The following DERA variants were observed in gnomAD, a reference collection of about 807,000 sequenced individuals.
DERA encodes the protein deoxyribose-phosphate aldolase.
In DERA, 15 loss-of-function variants were observed where a neutral mutation model predicts 41.1. That is an observed-to-expected ratio of 0.37 (90% CI 0.24 to 0.56). DERA has a LOEUF of 0.56. Ranked by LOEUF, DERA falls within the 20% of genes least tolerant of loss-of-function variation. The pLI, the probability that DERA is intolerant of heterozygous loss-of-function variation, is 0.81. For synonymous variants in DERA, 139 were observed against 137.4 expected (o/e 1.01, Z -0.08); for missense variants, 396 against 403.4 (o/e 0.98, Z 0.16).
chr12:16,005,223 C>T (rs957404570), intron 6 of DERA, among the ~76,000 whole-genome samples: 4 of 151,980 alleles, frequency 2.6e-5, no homozygotes, highest in Admixed American at 6.6e-5. Flanking sequence ...GTGGGAGGAT[C>T]GCTTGAGGCC....
chr12:15,966,106 G>A lies in DERA; in HGVS notation c.508+3159G>A, dbSNP rs1028053205. Reference sequence around the variant, plus strand: ...GACTAAAATTCTGAAAAGAAGGCCCGATGCGGTGGCTCACACCTGTAATCC... The same window carrying A: ...GACTAAAATTCTGAAAAGAAGGCCCAATGCGGTGGCTCACACCTGTAATCC... On this transcript the variant is annotated intron_variant, in intron 5 of 8. Coordinates refer to ENST00000428559, the MANE Select transcript of DERA (RefSeq NM_015954.4). The surrounding 1 kb of genome is among the most constrained non-coding windows in gnomAD (Gnocchi z 5.1). Among the ~76,000 whole-genome samples the A allele has an allele frequency of 3.3e-5, 5 of 152,220 alleles. No homozygotes were observed. Among genetic ancestry groups the A allele is most frequent in the Non-Finnish European group, 5.9e-5 (4 of 67,998 alleles).
intron 1 of DERA, among the ~76,000 whole-genome samples, chr12:15,926,627 T>C (rs903725357): frequency 1.3e-5 from 2 of 151,288 alleles, no homozygotes; most frequent in African/African-American, 4.9e-5. Flanking sequence ...TCCCAGCTAC[T>C]CGGGAGGCTG....
chr12:15,959,907 A>C lies in DERA; in HGVS notation c.356A>C (p.Asn119Thr). The C allele has an allele frequency of 6.5e-7, 1 of 1,547,806 alleles. No homozygotes were observed. Among genetic ancestry groups the C allele is most frequent in the South Asian group, 1.2e-5 (1 of 83,652 alleles). ...AVKALKAAGC[N>T]IPVASVAAGF... ...AAAGCACTCAAGGCTGCAGGCTGTA[A>C]TATCCCTGTGGCATCAGGTAAAATG... The change falls in exon 4 of 9, where the codon AAT (asparagine) becomes ACT (threonine). Residue 119 changes from asparagine (N) to threonine (T), a missense_variant. Transcript: ENST00000428559. The surrounding 1 kb of genome is among the most constrained non-coding windows in gnomAD (Gnocchi z 4.5).
At position 16,012,473 on chromosome 12, in the gene DERA, A is replaced by C. The variant is rs551290733; in HGVS notation, c.638-20069A>C. On this transcript the variant is annotated intron_variant, in intron 6 of 8. Coordinates refer to ENST00000428559, the MANE Select transcript of DERA (RefSeq NM_015954.4). This position sits in a 1 kb window ranked among gnomAD's most constrained non-coding sequence, Gnocchi z 4.1. ...AGGGCTGTGCTCCCCTGTCCCTTAAAGAGATATTCTGTTTTTTTCTAAGGA... is the reference window on the plus strand; with the variant it reads ...AGGGCTGTGCTCCCCTGTCCCTTAACGAGATATTCTGTTTTTTTCTAAGGA... Among the ~76,000 whole-genome samples, 1 of 152,324 alleles carries C rather than the reference A, an allele frequency of 6.6e-6. No individual in the cohort carries two copies. Among genetic ancestry groups the C allele is most frequent in the Non-Finnish European group, 1.5e-5 (1 of 68,034 alleles).
In DERA at chr12:15,988,059, G is replaced by A. The variant is rs1162196359; in HGVS notation, c.637+5623G>A. Among the ~76,000 whole-genome samples, 3 of 152,302 alleles carry A rather than the reference G, an allele frequency of 2.0e-5. No homozygotes were observed. In the East Asian group the frequency reaches 5.8e-4, roughly 29 times the overall value. ...GCTTCTGCTGTGGGCACCAGCATCT[G>A]GACAAGGGGAACACATGGTGCCCAA... On this transcript the variant is annotated intron_variant, in intron 6 of 8. Coordinates refer to ENST00000428559, the MANE Select transcript of DERA (RefSeq NM_015954.4). This position sits in a 1 kb window ranked among gnomAD's most constrained non-coding sequence, Gnocchi z 6.0.
rs1285825623 is a variant in DERA, at chr12:15,983,070, C to T, written c.637+634C>T. 6.6e-6 allele frequency among the ~76,000 whole-genome samples: 1 copy of T among 152,148 alleles called. No individual in the cohort carries two copies. Among genetic ancestry groups the T allele is most frequent in the African/African-American group, 2.4e-5 (1 of 41,440 alleles). ...CTTTGCTGTGTCTGACACATCTTCC[C>T]TCCATTCTAAGTGCTGCTGTCTTAG... is the stretch of plus-strand genomic sequence containing the variant. On this transcript the variant is annotated intron_variant, in intron 6 of 8. Coordinates refer to ENST00000428559, the MANE Select transcript of DERA (RefSeq NM_015954.4). The surrounding 1 kb of genome is among the most constrained non-coding windows in gnomAD (Gnocchi z 6.2).
chr12:15,963,868 TC>T (rs1948605424), intron 5 of DERA, among the ~76,000 whole-genome samples: 1 of 151,902 alleles, frequency 6.6e-6, no homozygotes, highest in Non-Finnish European at 1.5e-5. Flanking sequence ...TGTGACTGTT[TC>T]TATCCATCTG....
In DERA at chr12:15,984,013, A is replaced by G. The variant is rs185512210; in HGVS notation, c.637+1577A>G. Among the ~76,000 whole-genome samples the G allele has an allele frequency of 3.9e-5, 6 of 152,322 alleles. No individual in the cohort carries two copies. Among genetic ancestry groups the G allele is most frequent in the African/African-American group, 1.4e-4 (6 of 41,570 alleles). ...GCCCCTTGGAGGCTACTTGGTGTAC[A>G]GGTAGCCCCCCTTTATGCTGCTTGC... On this transcript the variant is annotated intron_variant, in intron 6 of 8. Transcript: ENST00000428559. This position sits in a 1 kb window ranked among gnomAD's most constrained non-coding sequence, Gnocchi z 4.5.
rs922705659 is a variant in DERA at position 15,944,527 on chromosome 12, C to G, written c.32-12409C>G. Reference sequence around the variant, plus strand: ...TGTTTTTTGGCTGCATAAATGTCTTCTTTTGAGAAGTGTCTGTTCATATCC... The same window carrying G: ...TGTTTTTTGGCTGCATAAATGTCTTGTTTTGAGAAGTGTCTGTTCATATCC... On this transcript the variant is annotated intron_variant, in intron 1 of 8. Transcript: ENST00000428559. Among the ~76,000 whole-genome samples the G allele has an allele frequency of 5.3e-5, 8 of 152,262 alleles. No homozygotes were observed. In the East Asian group the frequency reaches 9.7e-4, roughly 18 times the overall value.
intron 1 of DERA, among the ~76,000 whole-genome samples, chr12:15,933,322 GTCAT>G (rs1948342994): frequency 6.6e-6 from 1 of 151,942 alleles, no homozygotes; most frequent in Admixed American, 6.6e-5. Flanking sequence ...TCCACATCCT[GTCAT>G]TTTTTTAAAT....
At chr12:15,942,899 A>C (rs1948418838) in intron 1 of DERA, among the ~76,000 whole-genome samples, 1 of 152,216 alleles carries the variant, frequency 6.6e-6, no homozygotes, top group Non-Finnish European at 1.5e-5. Flanking sequence ...GCTAACACAG[A>C]GGGGACAGGA....
At position 16,019,326 on chromosome 12, in the gene DERA, TG is replaced by T. The variant is rs1283654170; in HGVS notation, c.638-13215del. ...CATGCCTGAACTATTTTTAATATCT[TG>T]TGGTCTCTGACTCTCAATTGTCCTT... On this transcript the variant is annotated intron_variant, in intron 6 of 8. Coordinates refer to ENST00000428559, the MANE Select transcript of DERA (RefSeq NM_015954.4). The surrounding 1 kb of genome is among the most constrained non-coding windows in gnomAD (Gnocchi z 4.4). Among the ~76,000 whole-genome samples the T allele has an allele frequency of 6.6e-6, 1 of 152,198 alleles. No homozygotes were observed. Among genetic ancestry groups the T allele is most frequent in the African/African-American group, 2.4e-5 (1 of 41,462 alleles).
rs192557498 is a variant in DERA, at chr12:15,982,521, T to G, written c.637+85T>G. On this transcript the variant is annotated intron_variant, in intron 6 of 8. Transcript: ENST00000428559. This position sits in a 1 kb window ranked among gnomAD's most constrained non-coding sequence, Gnocchi z 4.0. ...AGTAAGTGAAAGCATTTAGCTATTA[T>G]TAAACGTGCTAACCACTTGGAATTT... The G allele has an allele frequency of 7.1e-7, 1 of 1,414,998 alleles. No homozygotes were observed. The highest frequency in any genetic ancestry group is 2.5e-5 in the Admixed American group (1 of 40,722). 87.7% of individuals were successfully genotyped at this position (1,414,998 alleles called of 1,614,324 possible).
Position 15,993,814 on chromosome 12 carries a change from C to G in DERA, c.637+11378C>G, listed in dbSNP as rs918301945. On this transcript the variant is annotated intron_variant, in intron 6 of 8. Transcript: ENST00000428559. The surrounding 1 kb of genome is among the most constrained non-coding windows in gnomAD (Gnocchi z 4.4). The stretch of plus-strand genomic sequence containing the variant: ...TTTGTTGAGTGGAAAACACAGAGCT[C>G]TGTAGAGGAAAGAAGTTATCGTATT... 6.6e-6 allele frequency among the ~76,000 whole-genome samples: 1 copy of G among 152,054 alleles called. No homozygotes were observed. The highest frequency in any genetic ancestry group is 1.5e-5 in the Non-Finnish European group (1 of 68,008).
chr12:15,913,561 T>C lies in DERA; in HGVS notation c.31+2147T>C, dbSNP rs1007086942. Among the ~76,000 whole-genome samples, 1 of 152,230 alleles carries C rather than the reference T, an allele frequency of 6.6e-6. No homozygotes were observed. Among genetic ancestry groups the C allele is most frequent in the African/African-American group, 2.4e-5 (1 of 41,470 alleles). On this transcript the variant is annotated intron_variant, in intron 1 of 8. Transcript: ENST00000428559. This position sits in a 1 kb window ranked among gnomAD's most constrained non-coding sequence, Gnocchi z 4.5. The stretch of plus-strand genomic sequence containing the variant: ...TTATTACAAAAGGAATTCATGGTTA[T>C]TGTAAAAATTCTAGAAAATACAGTT...
chr12:15,940,334 CT>C lies in DERA; in HGVS notation c.32-16595del, dbSNP rs551760271. Among the ~76,000 whole-genome samples, 351 of 152,004 alleles carry C rather than the reference CT, an allele frequency of 2.3e-3. No individual in the cohort carries two copies. Among genetic ancestry groups the C allele is most frequent in the African/African-American group, 7.4e-3 (308 of 41,516 alleles). ...CAACAACTTAATAACTACTGCTTTC[CT>C]TTTTTTATTTTATTTTATTATTATT... On this transcript the variant is annotated intron_variant, in intron 1 of 8. Transcript: ENST00000428559. This position sits in a 1 kb window ranked among gnomAD's most constrained non-coding sequence, Gnocchi z 5.1.
chr12:15,948,812 TC>T (rs1948472375), intron 1 of DERA, among the ~76,000 whole-genome samples: 1 of 152,188 alleles, frequency 6.6e-6, no homozygotes, highest in Non-Finnish European at 1.5e-5. Context: ...GCTCTGTTTT[TC>T]CCCCATCTTT....
intron 2 of DERA, 81 bp from the exon 3 acceptor site, chr12:15,958,107 C>T: frequency 8.4e-7 from 1 of 1,194,244 alleles, no homozygotes; most frequent in Non-Finnish European, 1.2e-6. Context: ...TCTAATGATT[C>T]TCTACTAACC....
At chr12:16,006,319 C>T (rs1039329054) in intron 6 of DERA, among the ~76,000 whole-genome samples, 3 of 152,110 alleles carry the variant, frequency 2.0e-5, no homozygotes, top group Non-Finnish European at 4.4e-5. Flanking sequence ...CTGAAAATTG[C>T]GTTGCCAGTG....
Sources: allele counts gnomAD v4.1 joint callset (sites outside exome capture counted in the v4.1 genomes callset), GRCh38; gene constraint gnomAD v4.1.1; non-coding constraint Gnocchi (gnomAD v3.1); transcripts MANE v1.5; gene names NCBI Gene and HGNC (gene_info 2026-07-23, HGNC 2026-07-21).